ST8SIA5: variants seen among roughly 807,000 people sequenced by gnomAD.
ST8SIA5 encodes the protein ST8 alpha-N-acetyl-neuraminide alpha-2,8-sialyltransferase 5.
In ST8SIA5, 24 loss-of-function variants were observed where a neutral mutation model predicts 40.2. The ratio of observed to expected loss-of-function variants is 0.60; its 90% confidence interval spans 0.43 to 0.84. The LOEUF (loss-of-function observed/expected upper bound fraction) is 0.84, where lower values mean the gene tolerates loss of function less well. Among genes scored for constraint, ST8SIA5 ranks in the 40% least tolerant of loss-of-function variants. ST8SIA5 has a pLI of 0.00. For synonymous variants in ST8SIA5, 198 were observed against 201.8 expected (o/e 0.98, Z 0.16); for missense variants, 465 against 498.5 (o/e 0.93, Z 0.64).
intron 1 of ST8SIA5, among the ~76,000 whole-genome samples, chr18:46,743,583 A>G (rs892739213): frequency 3.3e-5 from 5 of 152,324 alleles, no homozygotes; most frequent in East Asian, 1.9e-4. Flanking sequence ...CCAAATCTAC[A>G]TTCGATTGGT....
intron 1 of ST8SIA5, among the ~76,000 whole-genome samples, chr18:46,734,871 G>C (rs985746220): frequency 1.3e-5 from 2 of 152,206 alleles, no homozygotes; most frequent in African/African-American, 2.4e-5. Flanking sequence ...AAATGTGATG[G>C]TTAACTTTAA....
intron 1 of ST8SIA5, among the ~76,000 whole-genome samples, chr18:46,728,921 C>A (rs918256762): frequency 4.6e-5 from 7 of 152,168 alleles, no homozygotes; most frequent in Non-Finnish European, 7.3e-5. Flanking sequence ...TATTCCAGAA[C>A]CTTCCAAGAC....
intron 1 of ST8SIA5, among the ~76,000 whole-genome samples, chr18:46,705,955 T>C (rs951058797): frequency 5.3e-5 from 8 of 152,220 alleles, no homozygotes; most frequent in African/African-American, 1.9e-4. Flanking sequence ...AACTTATGTA[T>C]GTGCTGCTTT....
At chr18:46,715,379 T>C (rs2039777501) in intron 1 of ST8SIA5, among the ~76,000 whole-genome samples, 1 of 151,956 alleles carries the variant, frequency 6.6e-6, no homozygotes, top group Admixed American at 6.6e-5. Context: ...GAGGGATGCA[T>C]TTTTCAGAGG....
rs2039666180 is a variant in ST8SIA5, at chr18:46,705,949, T to TA, written c.132-1286dup. On this transcript the variant is annotated intron_variant, in intron 1 of 6. Transcript: ENST00000315087. ...CGTACCCTTACACACTGGACAAACTTATGTATGTGCTGCTTTAGAAATCTT... is the reference window on the plus strand; with the variant it reads ...CGTACCCTTACACACTGGACAAACTTAATGTATGTGCTGCTTTAGAAATCTT... Among the ~76,000 whole-genome samples the TA allele has an allele frequency of 2.6e-5, 4 of 152,302 alleles. No individual in the cohort carries two copies. The South Asian group carries it at 8.3e-4, about 32-fold the overall frequency.
At chr18:46,711,487 T>G (rs1413989268) in intron 1 of ST8SIA5, among the ~76,000 whole-genome samples, 1 of 152,158 alleles carries the variant, frequency 6.6e-6, no homozygotes, top group African/African-American at 2.4e-5. Flanking sequence ...GTCACTGCAC[T>G]TCCTCTCCCT....
In ST8SIA5 at chr18:46,682,847, G is replaced by A. The variant is rs566929751; in HGVS notation, c.570-783C>T. Among the ~76,000 whole-genome samples, 14 of 152,320 alleles carry A rather than the reference G, an allele frequency of 9.2e-5. No homozygotes were observed. The South Asian group carries it at 2.9e-3, about 32-fold the overall frequency. On this transcript the variant is annotated intron_variant, in intron 5 of 6. Transcript: ENST00000315087. ...GAGACTGAAAGATACTCCACTGTGG[G>A]CTTTGCCATGAGCCAAGGAATGCAA...
At chr18:46,735,340 T>C (rs983839790) in intron 1 of ST8SIA5, among the ~76,000 whole-genome samples, 11 of 152,210 alleles carry the variant, frequency 7.2e-5, no homozygotes, top group Non-Finnish European at 7.3e-5. Flanking sequence ...CCTTTATATA[T>C]ACATCTATCC....
At chr18:46,697,391 A>G (rs919152350) in intron 2 of ST8SIA5, among the ~76,000 whole-genome samples, 12 of 152,114 alleles carry the variant, frequency 7.9e-5, no homozygotes, top group Admixed American at 3.9e-4. Context: ...CAAAGAAAGA[A>G]CTCTTGTGGG....
chr18:46,738,458 C>T (rs2040056428), intron 1 of ST8SIA5, among the ~76,000 whole-genome samples: 1 of 152,150 alleles, frequency 6.6e-6, no homozygotes, highest in Non-Finnish European at 1.5e-5. Flanking sequence ...AAGAGGTCCT[C>T]ATTCTCAGGC....
Position 46,671,834 on chromosome 18 carries a change from T to C in ST8SIA5, c.*8208A>G, listed in dbSNP as rs1442756087. The C allele has an allele frequency of 6.6e-6, 1 of 152,180 alleles. No homozygotes were observed. Among genetic ancestry groups the C allele is most frequent in the African/African-American group, 2.4e-5 (1 of 41,416 alleles). The allele number at this position is 152,180 out of a possible 1,614,324, so 9.4% of individuals were successfully genotyped here. ...TGAGTCAGACTGAGGGAAGGAAGGG[T>C]CCACCAACCCCCAACCAGGAAAAAG... On this transcript the variant is annotated 3_prime_UTR_variant, in exon 7 of 7. Transcript: ENST00000315087.
chr18:46,714,955 A>G (rs2039772111), intron 1 of ST8SIA5, among the ~76,000 whole-genome samples: 3 of 152,164 alleles, frequency 2.0e-5, no homozygotes, highest in Admixed American at 2.0e-4. Flanking sequence ...CTTAAGGAGG[A>G]GGAGTCTCCC....
intron 1 of ST8SIA5, among the ~76,000 whole-genome samples, chr18:46,736,339 C>A (rs560546473): frequency 7.9e-4 from 120 of 152,236 alleles, no homozygotes; most frequent in African/African-American, 2.8e-3. Context: ...ATGAATGAAC[C>A]AATTAACCAA....
chr18:46,720,019 A>G (rs947893219), intron 1 of ST8SIA5, among the ~76,000 whole-genome samples: 2 of 151,738 alleles, frequency 1.3e-5, no homozygotes, highest in African/African-American at 4.8e-5. Flanking sequence ...TTGCATTTTT[A>G]GTAGAGATGG....
At chr18:46,709,837 T>C (rs944186954) in intron 1 of ST8SIA5, among the ~76,000 whole-genome samples, 3 of 152,228 alleles carry the variant, frequency 2.0e-5, no homozygotes, top group Non-Finnish European at 4.4e-5. Flanking sequence ...ATAAGTTTTC[T>C]GCAATGGGGT....
chr18:46,731,193 T>C (rs1345995670), intron 1 of ST8SIA5, among the ~76,000 whole-genome samples: 1 of 152,244 alleles, frequency 6.6e-6, no homozygotes, highest in African/African-American at 2.4e-5. Context: ...TTGCCTGTGA[T>C]GAGCACTACG....
At chr18:46,715,479 G>A (rs1249800381) in intron 1 of ST8SIA5, among the ~76,000 whole-genome samples, 1 of 152,104 alleles carries the variant, frequency 6.6e-6, no homozygotes, top group African/African-American at 2.4e-5. Context: ...GGAAGGAGGA[G>A]ATGAGAGACC....
chr18:46,748,400 A>G (rs1402168598), intron 1 of ST8SIA5, among the ~76,000 whole-genome samples: 1 of 151,584 alleles, frequency 6.6e-6, no homozygotes, highest in Non-Finnish European at 1.5e-5. Context: ...CCTGTCTCTA[A>G]TAAAAATACA....
chr18:46,749,666 C>T (rs1171765971), intron 1 of ST8SIA5, among the ~76,000 whole-genome samples: 1 of 152,056 alleles, frequency 6.6e-6, no homozygotes, highest in Non-Finnish European at 1.5e-5. Context: ...GAAAATATAA[C>T]TTTTTAAAAG....
Sources: gnomAD v4.1 joint callset for allele counts (sites outside exome capture counted in the v4.1 genomes callset) on GRCh38, gnomAD v4.1.1 for gene constraint, MANE v1.5 for transcripts, NCBI Gene and HGNC (gene_info 2026-07-23, HGNC 2026-07-21) for gene names.